The following RANBP2 variants were observed in gnomAD, a reference collection of about 807,000 sequenced individuals.
RANBP2 encodes RAN binding protein 2, also known as E3 SUMO-protein ligase RanBP2.
Under a neutral mutation model 303.6 loss-of-function variants are expected in RANBP2, and 57 were observed. The ratio of observed to expected loss-of-function variants is 0.19; its 90% CI spans 0.15 to 0.23. The LOEUF (loss-of-function observed/expected upper bound fraction) is 0.23, where lower values mean the gene tolerates loss of function less well. Ranked by LOEUF, RANBP2 falls within the 10% of genes least tolerant of loss-of-function variation. The pLI, the probability that RANBP2 is intolerant of heterozygous loss-of-function variation, is 1.00. For missense variants in RANBP2, 3,138 were observed against 3,780.8 expected (o/e 0.83, Z 4.46); for synonymous variants, 1,167 against 1,301.5 (o/e 0.90, Z 2.23).
the RANBP2 span, among the ~76,000 whole-genome samples, chr2:109,224,329 A>G: frequency 6.6e-5 from 10 of 152,380 alleles, no homozygotes; most frequent in East Asian, 1.5e-3. Flanking sequence ...ATATTGGACA[A>G]ATAAGCACAT....
chr2:109,055,307 T>A, the RANBP2 span, among the ~76,000 whole-genome samples: 4 of 152,088 alleles, frequency 2.6e-5, no homozygotes, highest in Admixed American at 2.0e-4. Flanking sequence ...TCGTTAATAG[T>A]CTCTTCCAGT....
chr2:109,095,179 TG>T, the RANBP2 span, among the ~76,000 whole-genome samples: 81,423 of 151,554 alleles, frequency 0.54, 22,862 homozygotes, highest in South Asian at 0.69. Flanking sequence ...CCGCTAGTTA[TG>T]CTGGAAAGAG....
the RANBP2 span, among the ~76,000 whole-genome samples, chr2:109,436,026 C>G: frequency 6.6e-6 from 1 of 152,100 alleles, no homozygotes; most frequent in Non-Finnish European, 1.5e-5. Flanking sequence ...TGCTAGAGGT[C>G]GTGCCCAGTG....
chr2:109,570,813 C>T, the RANBP2 span, among the ~76,000 whole-genome samples: 1 of 152,186 alleles, frequency 6.6e-6, no homozygotes, highest in Non-Finnish European at 1.5e-5. Flanking sequence ...TGGGCCACCA[C>T]ACCCGGCCTG....
the RANBP2 span, chr2:109,617,152 G>T: frequency 6.0e-6 from 1 of 166,592 alleles, no homozygotes; most frequent in African/African-American, 2.4e-5. Flanking sequence ...TAGTCTCTAT[G>T]ACTTGTAGCA....
At chr2:108,748,868 A>G (rs1675606198) in intron 8 of RANBP2, 52 bp from the exon 9 acceptor site, 1 of 1,611,750 alleles carries the variant, frequency 6.2e-7, no homozygotes, top group Non-Finnish European at 8.5e-7. Flanking sequence ...AACGTGAGCA[A>G]ATACAATCTG....
the RANBP2 span, among the ~76,000 whole-genome samples, chr2:108,990,572 G>A: frequency 6.6e-6 from 1 of 152,106 alleles, no homozygotes; most frequent in African/African-American, 2.4e-5. Context: ...CTCCAGCCTG[G>A]GCAACAGAGC....
the RANBP2 span, among the ~76,000 whole-genome samples, chr2:109,351,164 G>A: frequency 1.3e-5 from 2 of 152,324 alleles, no homozygotes; most frequent in South Asian, 2.1e-4. Context: ...ATAAAAAGAC[G>A]ACAGGCAGGA....
intron 20 of RANBP2, among the ~76,000 whole-genome samples, chr2:108,769,039 A>G (rs1380828609): frequency 6.6e-6 from 1 of 152,028 alleles, no homozygotes; most frequent in Non-Finnish European, 1.5e-5. Context: ...GTCTCCAAAA[A>G]AAAAAAAACA....
At chr2:109,454,669 G>T in the RANBP2 span, among the ~76,000 whole-genome samples, 9 of 152,158 alleles carry the variant, frequency 5.9e-5, no homozygotes, top group Non-Finnish European at 1.2e-4. Flanking sequence ...GATTGGATGG[G>T]ATAAACAGAA....
the RANBP2 span, among the ~76,000 whole-genome samples, chr2:109,515,840 A>G: frequency 6.6e-6 from 1 of 152,174 alleles, no homozygotes; most frequent in East Asian, 1.9e-4. Context: ...TCTCATATGA[A>G]CTAACAGAGC....
the RANBP2 span, among the ~76,000 whole-genome samples, chr2:108,853,812 C>T: frequency 3.6e-5 from 5 of 139,276 alleles, no homozygotes; most frequent in Admixed American, 1.6e-4. Context: ...AGGCACCAGC[C>T]ATCCCCAGCC....
the RANBP2 span, among the ~76,000 whole-genome samples, chr2:108,833,797 G>A: frequency 9.4e-5 from 14 of 148,814 alleles, no homozygotes; most frequent in East Asian, 5.9e-4. Context: ...GCGTGATCTC[G>A]GCTCACTGCA....
chr2:108,900,550 C>CA, the RANBP2 span, among the ~76,000 whole-genome samples: 28 of 69,546 alleles, frequency 4.0e-4, no homozygotes, highest in South Asian at 1.0e-3. Flanking sequence ...GTGGAAACTC[C>CA]AAAAAAAAAG....
chr2:108,761,605 A>T (rs1234357203), intron 18 of RANBP2, among the ~76,000 whole-genome samples: 1 of 152,082 alleles, frequency 6.6e-6, no homozygotes, highest in Non-Finnish European at 1.5e-5. Flanking sequence ...GTTATTTATG[A>T]CATCCTGTCC....
the RANBP2 span, among the ~76,000 whole-genome samples, chr2:109,602,302 A>G: frequency 2.7e-5 from 4 of 146,206 alleles, no homozygotes; most frequent in African/African-American, 7.9e-5. Flanking sequence ...ATTAAGGACA[A>G]TAAAATTAAG....
the RANBP2 span, among the ~76,000 whole-genome samples, chr2:109,530,546 T>C: frequency 6.6e-6 from 1 of 152,182 alleles, no homozygotes; most frequent in African/African-American, 2.4e-5. Context: ...TCTATCTTGG[T>C]GTTGGCTTTG....
chr2:108,825,133 C>T, the RANBP2 span, among the ~76,000 whole-genome samples: 1 of 152,084 alleles, frequency 6.6e-6, no homozygotes, highest in Non-Finnish European at 1.5e-5. Context: ...CTGACCTAGA[C>T]TCTTCAACAA....
the RANBP2 span, among the ~76,000 whole-genome samples, chr2:109,660,803 A>G: frequency 6.6e-6 from 1 of 152,240 alleles, no homozygotes; most frequent in Non-Finnish European, 1.5e-5. Flanking sequence ...GTCTGGGTTA[A>G]GGTGTCAGTT....
Sources: gnomAD v4.1 joint callset for allele counts (sites outside exome capture counted in the v4.1 genomes callset) on GRCh38, gnomAD v4.1.1 for gene constraint, MANE v1.5 for transcripts, NCBI Gene and HGNC (gene_info 2026-07-23, HGNC 2026-07-21) for gene names.